CENPW: variants seen among roughly 807,000 people sequenced by gnomAD.
CENPW encodes cancer-up-regulated gene 2 protein.
Under a neutral mutation model 11.1 loss-of-function variants are expected in CENPW, and 3 were observed. That is an observed-to-expected ratio of 0.27 (90% CI 0.12 to 0.70). CENPW has a LOEUF of 0.70. Among genes scored for constraint, CENPW ranks in the 30% least tolerant of loss-of-function variants. CENPW has a pLI of 0.77. For missense variants in CENPW, 100 were observed against 105.6 expected, an observed-to-expected ratio of 0.95 and a Z score of 0.23; for synonymous variants, 38 against 42.0, an observed-to-expected ratio of 0.91 and a Z score of 0.37.
the CENPW span, among the ~76,000 whole-genome samples, chr6:126,404,308 T>C: frequency 6.6e-6 from 1 of 152,144 alleles, no homozygotes; most frequent in Non-Finnish European, 1.5e-5. Context: ...GGTTCTTATT[T>C]AAGACAAACA....
the CENPW span, among the ~76,000 whole-genome samples, chr6:126,409,631 T>C: frequency 2.6e-5 from 4 of 151,990 alleles, no homozygotes; most frequent in African/African-American, 9.7e-5. Context: ...ATATATTGTA[T>C]TCCTGAATTT....
At chr6:126,440,506 T>C in the CENPW span, among the ~76,000 whole-genome samples, 7 of 151,610 alleles carry the variant, frequency 4.6e-5, no homozygotes, top group Non-Finnish European at 1.0e-4. Flanking sequence ...TAATTATTTT[T>C]CTTAATTTTA....
intron 1 of CENPW, among the ~76,000 whole-genome samples, chr6:126,342,576 G>T (rs1289882743): frequency 6.6e-6 from 1 of 151,862 alleles, no homozygotes; most frequent in Non-Finnish European, 1.5e-5. Flanking sequence ...TATTTCTTCT[G>T]CTTGAAGATG....
the CENPW span, among the ~76,000 whole-genome samples, chr6:126,428,217 G>A: frequency 6.6e-6 from 1 of 152,094 alleles, no homozygotes; most frequent in East Asian, 1.9e-4. Flanking sequence ...TTATTTCTTA[G>A]GTGCTAAACC....
At chr6:126,479,722 A>G in the CENPW span, among the ~76,000 whole-genome samples, 1 of 151,972 alleles carries the variant, frequency 6.6e-6, no homozygotes, top group Non-Finnish European at 1.5e-5. Flanking sequence ...AGTTTTTGCT[A>G]TAATATATAA....
At chr6:126,383,353 G>T in the CENPW span, among the ~76,000 whole-genome samples, 2 of 152,104 alleles carry the variant, frequency 1.3e-5, no homozygotes, top group South Asian at 2.1e-4. Flanking sequence ...ACACTATGAA[G>T]AACCACACAA....
chr6:126,464,121 C>T, the CENPW span, among the ~76,000 whole-genome samples: 29 of 152,124 alleles, frequency 1.9e-4, no homozygotes, highest in Middle Eastern at 3.4e-3. Context: ...TAATACATCA[C>T]GATCAAATGT....
chr6:126,480,876 C>T, the CENPW span, among the ~76,000 whole-genome samples: 1 of 151,890 alleles, frequency 6.6e-6, no homozygotes, highest in Non-Finnish European at 1.5e-5. Flanking sequence ...CATTAACATT[C>T]AATATGTTAT....
the CENPW span, among the ~76,000 whole-genome samples, chr6:126,394,026 T>C: frequency 6.6e-6 from 1 of 151,932 alleles, no homozygotes; most frequent in Non-Finnish European, 1.5e-5. Flanking sequence ...TGTGTATTTA[T>C]AGGTGAAGTA....
chr6:126,456,804 A>G, the CENPW span, among the ~76,000 whole-genome samples: 14 of 151,474 alleles, frequency 9.2e-5, no homozygotes, highest in African/African-American at 2.4e-4. Flanking sequence ...CTATGCAACC[A>G]TCAAAGGTCT....
chr6:126,340,982 G>C (rs1238637173), intron 1 of CENPW, among the ~76,000 whole-genome samples: 1 of 152,082 alleles, frequency 6.6e-6, no homozygotes, highest in Non-Finnish European at 1.5e-5. Context: ...AAGTTTATTT[G>C]TAGGAAGAGT....
the CENPW span, among the ~76,000 whole-genome samples, chr6:126,384,112 T>A: frequency 6.6e-6 from 1 of 152,204 alleles, no homozygotes; most frequent in East Asian, 1.9e-4. Flanking sequence ...CAAAACCATG[T>A]AATTACATCA....
the CENPW span, among the ~76,000 whole-genome samples, chr6:126,461,227 T>A: frequency 6.6e-6 from 1 of 150,378 alleles, no homozygotes; most frequent in South Asian, 2.1e-4. Context: ...ATAAGTCTCA[T>A]GAGATCCGAT....
the CENPW span, among the ~76,000 whole-genome samples, chr6:126,460,935 G>T: frequency 6.6e-6 from 1 of 151,886 alleles, no homozygotes; most frequent in Non-Finnish European, 1.5e-5. Flanking sequence ...CTAGACAGGG[G>T]ATTACTTAAA....
the CENPW span, among the ~76,000 whole-genome samples, chr6:126,445,545 A>C: frequency 1.3e-5 from 2 of 151,184 alleles, no homozygotes; most frequent in Non-Finnish European, 3.0e-5. Context: ...ACATTTAACT[A>C]TCTGCTTTTT....
At chr6:126,463,131 C>G in the CENPW span, among the ~76,000 whole-genome samples, 3 of 151,934 alleles carry the variant, frequency 2.0e-5, no homozygotes, top group South Asian at 6.2e-4. Context: ...AGACACATTC[C>G]TCTCTTATGT....
the CENPW span, among the ~76,000 whole-genome samples, chr6:126,478,517 G>A: frequency 6.6e-6 from 1 of 151,890 alleles, no homozygotes; most frequent in Admixed American, 6.6e-5. Context: ...GAATTGTAGA[G>A]AGAGTAAAAA....
chr6:126,464,381 G>A, the CENPW span, among the ~76,000 whole-genome samples: 11 of 152,186 alleles, frequency 7.2e-5, no homozygotes, highest in East Asian at 1.7e-3. Flanking sequence ...TGGATTGAAG[G>A]ATGCAAAGTA....
At chr6:126,467,324 C>G in the CENPW span, among the ~76,000 whole-genome samples, 6 of 152,048 alleles carry the variant, frequency 3.9e-5, no homozygotes, top group East Asian at 1.2e-3. Flanking sequence ...AATAGAGAGC[C>G]CAAAAACAAG....
Sources: allele counts gnomAD v4.1 joint callset (sites outside exome capture counted in the v4.1 genomes callset), GRCh38; gene constraint gnomAD v4.1.1; transcripts MANE v1.5; gene names NCBI Gene and HGNC (gene_info 2026-07-23, HGNC 2026-07-21).